The following OLFM4 variants were observed in gnomAD, a reference collection of about 807,000 sequenced individuals.
OLFM4 encodes olfactomedin-4.
OLFM4 carries 22 observed loss-of-function variants against 25.5 expected under a neutral mutation model. The observed-to-expected ratio is 0.86, with a 90% confidence interval of 0.62 to 1.23. The LOEUF (loss-of-function observed/expected upper bound fraction) is 1.23, where lower values mean the gene tolerates loss of function less well. Ranked by LOEUF, OLFM4 falls within the 50% of genes most tolerant of loss-of-function variation. OLFM4 has a pLI of 0.00. For missense variants in OLFM4, 594 were observed against 619.4 expected (o/e 0.96, Z 0.44); for synonymous variants, 255 against 237.7 (o/e 1.07, Z -0.67).
At chr13:53,034,238 C>A in intron 1 of OLFM4, 110 bp from the exon 2 acceptor site, 1 of 962,312 alleles carries the variant, frequency 1.0e-6, no homozygotes, top group Non-Finnish European at 1.6e-6. Context: ...ATGTATTGGA[C>A]TCCACTTACT....
At chr13:53,032,503 G>A (rs941683859) in intron 1 of OLFM4, among the ~76,000 whole-genome samples, 2 of 152,078 alleles carry the variant, frequency 1.3e-5, no homozygotes, top group Non-Finnish European at 2.9e-5. Flanking sequence ...CTCTCTGATA[G>A]GTTCCTGGTG....
At chr13:53,031,015 A>C (rs1229329440) in intron 1 of OLFM4, among the ~76,000 whole-genome samples, 10 of 152,232 alleles carry the variant, frequency 6.6e-5, no homozygotes, top group Admixed American at 6.5e-4. Flanking sequence ...GCATTTGGGT[A>C]AGATTATCAA....
rs1954729577 is a variant in OLFM4, at chr13:53,048,908, C to A, written c.731-1061C>A. Among the ~76,000 whole-genome samples, 4 of 152,236 alleles carry A rather than the reference C, an allele frequency of 2.6e-5. No individual in the cohort carries two copies. The South Asian group carries it at 8.3e-4, about 32-fold the overall frequency. ...GTTAAGATCCCAGAAAATGTGTGTT[C>A]AACTCTTTGGATAGTTATTATAAAA... On this transcript the variant is annotated intron_variant, in intron 4 of 4. Transcript: ENST00000219022.
chr13:53,041,446 G>A (rs1411037638), intron 2 of OLFM4, among the ~76,000 whole-genome samples: 2 of 152,108 alleles, frequency 1.3e-5, no homozygotes, highest in Non-Finnish European at 2.9e-5. Flanking sequence ...ACACAAAGAG[G>A]AGAACAACAG....
chr13:53,050,204 G>A lies in OLFM4; in HGVS notation c.966G>A (p.Arg322=). ...LLLYINAREL[R]ITYGQGSGTA... ...TGTATATAAATGCTCGAGAGTTGCG[G>A]ATCACCTATGGCCAAGGTAGTGGTA... is the stretch of plus-strand genomic sequence containing the variant. Residue 322 remains arginine (R), a synonymous_variant, in exon 5 of 5, where the codon CGG becomes CGA. Coordinates refer to ENST00000219022, the MANE Select transcript of OLFM4 (RefSeq NM_006418.5). 6 of 1,613,986 alleles carry A rather than the reference G, an allele frequency of 3.7e-6. No homozygotes were observed. The highest frequency in any genetic ancestry group is 5.1e-6 in the Non-Finnish European group (6 of 1,179,956).
chr13:53,034,247 C>A, intron 1 of OLFM4, 101 bp from the exon 2 acceptor site: 2 of 1,115,616 alleles, frequency 1.8e-6, no homozygotes, highest in South Asian at 1.5e-5. Context: ...ACTCCACTTA[C>A]TTGCCTGTAA....
chr13:53,048,000 C>T lies in OLFM4; in HGVS notation c.731-1969C>T, dbSNP rs539140745. Among the ~76,000 whole-genome samples the T allele has an allele frequency of 9.9e-5, 15 of 152,246 alleles. No individual in the cohort carries two copies. In the East Asian group the frequency reaches 2.9e-3, roughly 29 times the overall value. ...TGAAAGAAAAAAAAGTGACTTTCCT[C>T]AGAGTGAAATGTAGTTAAATAAATA... On this transcript the variant is annotated intron_variant, in intron 4 of 4. Transcript: ENST00000219022.
At chr13:53,034,523 A>G (rs1359360086) in intron 2 of OLFM4, 23 bp downstream of exon 2, 1 of 1,580,588 alleles carries the variant, frequency 6.3e-7, no homozygotes, top group Non-Finnish European at 8.6e-7. Context: ...TTTTCAAACA[A>G]TATCTTGATA....
At chr13:53,032,163 T>TC (rs1954632622) in intron 1 of OLFM4, among the ~76,000 whole-genome samples, 1 of 152,206 alleles carries the variant, frequency 6.6e-6, no homozygotes, top group Admixed American at 6.5e-5. Context: ...TACTTGTCTG[T>TC]CTTTCAAGTG....
intron 3 of OLFM4, among the ~76,000 whole-genome samples, 194 bp downstream of exon 3, chr13:53,042,316 A>G (rs1180978411): frequency 6.6e-6 from 1 of 152,186 alleles, no homozygotes; most frequent in Non-Finnish European, 1.5e-5. Context: ...GCACATTGGG[A>G]ATGTGCTGAC....
At chr13:53,044,504 A>G (rs1954705152) in intron 4 of OLFM4, among the ~76,000 whole-genome samples, 2 of 152,186 alleles carry the variant, frequency 1.3e-5, no homozygotes, top group Admixed American at 6.5e-5. Context: ...CAATTATTAA[A>G]TAGGTATAGC....
chr13:53,050,406 A>G lies in OLFM4; in HGVS notation c.1168A>G (p.Asn390Asp). Reference sequence around the variant, plus strand: ...AGATATTGACTTTGCTGTGGATGAGAATGGATTGTGGGTTATTTATTCAAC... The same window carrying G: ...AGATATTGACTTTGCTGTGGATGAGGATGGATTGTGGGTTATTTATTCAAC... ...WQDIDFAVDE[N>D]GLWVIYSTEA... The change falls in exon 5 of 5, where the codon AAT (asparagine) becomes GAT (aspartate). Residue 390 changes from asparagine (N) to aspartate (D), a missense_variant. Physicochemically the swap from Asn to Asp is conservative, Grantham distance 23. Transcript: ENST00000219022. 6.2e-7 allele frequency: 1 copy of G among 1,613,950 alleles called. No homozygotes were observed. The highest frequency in any genetic ancestry group is 8.5e-7 in the Non-Finnish European group (1 of 1,179,954).
At chr13:53,044,317 A>G (rs941441122) in intron 4 of OLFM4, among the ~76,000 whole-genome samples, 4 of 152,196 alleles carry the variant, frequency 2.6e-5, no homozygotes, top group Admixed American at 2.6e-4. Flanking sequence ...CTTTAGAGAT[A>G]TCAATGACAC....
At chr13:53,047,815 T>C (rs1387873746) in intron 4 of OLFM4, among the ~76,000 whole-genome samples, 2 of 152,296 alleles carry the variant, frequency 1.3e-5, no homozygotes, top group South Asian at 2.1e-4. Context: ...TGTCTAAAAA[T>C]TTCCACATCT....
At chr13:53,049,849 G>A (rs1265361658) in intron 4 of OLFM4, 120 bp from the exon 5 acceptor site, 6 of 1,063,376 alleles carry the variant, frequency 5.6e-6, no homozygotes, top group Non-Finnish European at 8.1e-6. Context: ...AACCACTGTT[G>A]TTATTGAACC....
chr13:53,049,113 C>T (rs1403733362), intron 4 of OLFM4, among the ~76,000 whole-genome samples: 1 of 152,128 alleles, frequency 6.6e-6, no homozygotes, highest in African/African-American at 2.4e-5. Flanking sequence ...CACATTGTGA[C>T]AATGACAGTG....
Position 53,041,899 on chromosome 13 carries a change from TTTTC to T in OLFM4, c.358-6_358-3del. 6.2e-7 allele frequency: 1 copy of T among 1,608,464 alleles called. No individual in the cohort carries two copies. The highest frequency in any genetic ancestry group is 8.5e-7 in the Non-Finnish European group (1 of 1,175,040). On this transcript the variant is annotated splice_polypyrimidine_tract_variant and splice_region_variant and intron_variant, in intron 2 of 4. Coordinates refer to ENST00000219022, the MANE Select transcript of OLFM4 (RefSeq NM_006418.5). ...CAGGGAATTGGCTTGAACCTTTTGA[TTTTC>T]TTTCAGGTGAGGGAATATGTCCAAT...
chr13:53,048,045 T>C (rs1185698741), intron 4 of OLFM4, among the ~76,000 whole-genome samples: 1 of 152,198 alleles, frequency 6.6e-6, no homozygotes, highest in Admixed American at 6.5e-5. Context: ...GAAGATACTT[T>C]AGCTAGAAAA....
chr13:53,043,636 G>A (rs1478912027), intron 4 of OLFM4, among the ~76,000 whole-genome samples: 3 of 152,166 alleles, frequency 2.0e-5, no homozygotes, highest in African/African-American at 7.2e-5. Context: ...ACTTTCCTGT[G>A]GAGTTAAGGA....
Sources: allele counts gnomAD v4.1 joint callset (sites outside exome capture counted in the v4.1 genomes callset), GRCh38; gene constraint gnomAD v4.1.1; transcripts MANE v1.5; gene names NCBI Gene and HGNC (gene_info 2026-07-23, HGNC 2026-07-21).